ASIC2: variants seen among roughly 807,000 people sequenced by gnomAD.
ASIC2 encodes the protein acid-sensing ion channel 2.
ASIC2 carries 25 observed loss-of-function variants against 57.3 expected under a neutral mutation model. The observed-to-expected ratio is 0.44, with a 90% confidence interval of 0.32 to 0.61. The LOEUF (loss-of-function observed/expected upper bound fraction) is 0.61. Among genes scored for constraint, ASIC2 ranks in the 20% least tolerant of loss-of-function variants. The pLI, the probability that ASIC2 is intolerant of heterozygous loss-of-function variation, is 0.06. For synonymous variants in ASIC2, 319 were observed against 307.5 expected (o/e 1.04, Z -0.39); for missense variants, 641 against 738.1 (o/e 0.87, Z 1.52).
rs1300315336 is a variant in ASIC2, at chr17:33,638,160, T to C, written c.555+517818A>G. 3.3e-5 allele frequency among the ~76,000 whole-genome samples: 5 copies of C among 152,368 alleles called. No homozygotes were observed. In the East Asian group the frequency reaches 9.6e-4, roughly 29 times the overall value. Reference sequence around the variant, plus strand: ...GTAATTGGAGAAGTTACAAGTCTTGTGGCTTCCAGAACAGTCTGTCTATCA... The same window carrying C: ...GTAATTGGAGAAGTTACAAGTCTTGCGGCTTCCAGAACAGTCTGTCTATCA... On this transcript the variant is annotated intron_variant, in intron 1 of 9. Coordinates refer to the ASIC2 transcript ENST00000359872.
At chr17:33,613,532 T>C (rs1193083917) in intron 1 of ASIC2, among the ~76,000 whole-genome samples, 1 of 148,288 alleles carries the variant, frequency 6.7e-6, no homozygotes, top group East Asian at 1.9e-4. Context: ...GCCCAGCTAA[T>C]TTTTTGTGTT....
intron 1 of ASIC2, among the ~76,000 whole-genome samples, chr17:33,385,506 C>A (rs1239723679): frequency 6.6e-6 from 1 of 152,200 alleles, no homozygotes; most frequent in East Asian, 1.9e-4. Flanking sequence ...CTCTCACATG[C>A]CTTGCATTTT....
intron 1 of ASIC2, among the ~76,000 whole-genome samples, chr17:34,073,614 GA>G (rs1197038433): frequency 3.9e-5 from 6 of 152,312 alleles, no homozygotes; most frequent in African/African-American, 1.4e-4. Context: ...AATGTTCCCA[GA>G]ATGATTAGCA....
chr17:33,184,044 C>A (rs1275659562), intron 1 of ASIC2, among the ~76,000 whole-genome samples: 1 of 152,168 alleles, frequency 6.6e-6, no homozygotes, highest in East Asian at 1.9e-4. Flanking sequence ...TCTATTATAG[C>A]AACTGGTACA....
chr17:33,851,460 T>C (rs1436794273), intron 1 of ASIC2, among the ~76,000 whole-genome samples: 2 of 152,044 alleles, frequency 1.3e-5, no homozygotes, highest in African/African-American at 4.8e-5. Flanking sequence ...GAAAGGAAGT[T>C]CTCTTGTCAA....
Position 33,344,800 on chromosome 17 carries a change from G to A in ASIC2, c.556-232733C>T, listed in dbSNP as rs1030999496. Among the ~76,000 whole-genome samples, 4 of 152,080 alleles carry A rather than the reference G, an allele frequency of 2.6e-5. No individual in the cohort carries two copies. The South Asian group carries it at 8.3e-4, about 31-fold the overall frequency. On this transcript the variant is annotated intron_variant, in intron 1 of 9. Coordinates refer to the ASIC2 transcript ENST00000359872. ...CATCTGGGAGACAGGCCACTCTTTG[G>A]GGACAGAGACCATGTCTTAGCTCTG... is the stretch of plus-strand genomic sequence containing the variant.
At chr17:33,665,992 T>C (rs1301552425) in intron 1 of ASIC2, among the ~76,000 whole-genome samples, 2 of 152,166 alleles carry the variant, frequency 1.3e-5, no homozygotes, top group Non-Finnish European at 2.9e-5. Flanking sequence ...CAGTAACATA[T>C]ATTTACATAC....
At chr17:33,878,990 T>C (rs1914627397) in intron 1 of ASIC2, among the ~76,000 whole-genome samples, 1 of 152,168 alleles carries the variant, frequency 6.6e-6, no homozygotes, top group Non-Finnish European at 1.5e-5. Flanking sequence ...ACCCAGAATT[T>C]CATATCCAGC....
At chr17:34,007,746 G>T (rs372727043) in intron 1 of ASIC2, among the ~76,000 whole-genome samples, 11 of 152,320 alleles carry the variant, frequency 7.2e-5, no homozygotes, top group South Asian at 6.2e-4. Flanking sequence ...GCATGTCCAA[G>T]AGCTGGCATC....
At chr17:33,567,265 A>G (rs1353718184) in intron 1 of ASIC2, among the ~76,000 whole-genome samples, 1 of 152,134 alleles carries the variant, frequency 6.6e-6, no homozygotes, top group Non-Finnish European at 1.5e-5. Flanking sequence ...TTTCTAGCAG[A>G]GGGAACAGAA....
Position 33,810,367 on chromosome 17 carries a change from C to T in ASIC2, c.555+345611G>A, listed in dbSNP as rs547982525. 3.9e-5 allele frequency among the ~76,000 whole-genome samples: 6 copies of T among 152,314 alleles called. No homozygotes were observed. In the South Asian group the frequency reaches 1.2e-3, roughly 32 times the overall value. On this transcript the variant is annotated intron_variant, in intron 1 of 9. Coordinates refer to the ASIC2 transcript ENST00000359872. Reference sequence around the variant, plus strand: ...AATCATTTGGGGATCTTTTAAAACTCTGATGCTCAGGTCATACCCAACACT... The same window carrying T: ...AATCATTTGGGGATCTTTTAAAACTTTGATGCTCAGGTCATACCCAACACT...
intron 1 of ASIC2, among the ~76,000 whole-genome samples, chr17:33,394,290 A>G (rs1909998993): frequency 6.6e-6 from 1 of 152,150 alleles, no homozygotes; most frequent in Non-Finnish European, 1.5e-5. Context: ...GAATGGTGCC[A>G]CAGAAAACAG....
intron 1 of ASIC2, among the ~76,000 whole-genome samples, chr17:33,856,421 T>TAATG (rs1281271516): frequency 1.6e-3 from 205 of 129,248 alleles, no homozygotes; most frequent in African/African-American, 5.7e-3. Context: ...GTAGTAACAG[T>TAATG]AGTACTAGTA....
intron 2 of ASIC2, among the ~76,000 whole-genome samples, chr17:33,095,199 G>A (rs560448099): frequency 6.6e-6 from 1 of 152,140 alleles, no homozygotes. Context: ...GATCCAAGGG[G>A]ATCAGTTGCT....
At chr17:33,767,067 T>C (rs1048781296) in intron 1 of ASIC2, among the ~76,000 whole-genome samples, 3 of 152,244 alleles carry the variant, frequency 2.0e-5, no homozygotes, top group African/African-American at 7.2e-5. Flanking sequence ...TAAAGCATCT[T>C]GGTAGCAGAT....
chr17:33,017,793 A>C, intron 7 of ASIC2, 109 bp from the exon 8 acceptor site: 3 of 986,084 alleles, frequency 3.0e-6, no homozygotes, highest in Non-Finnish European at 4.6e-6. Flanking sequence ...CTCCATGGGG[A>C]GCCTGGGCCT....
At chr17:33,860,819 G>T (rs1276658568) in intron 1 of ASIC2, among the ~76,000 whole-genome samples, 1 of 152,194 alleles carries the variant, frequency 6.6e-6, no homozygotes, top group Non-Finnish European at 1.5e-5. Context: ...GACACCAGTT[G>T]ACCATTCATT....
chr17:33,333,767 G>T (rs1459636460), intron 1 of ASIC2, among the ~76,000 whole-genome samples: 1 of 152,180 alleles, frequency 6.6e-6, no homozygotes, highest in Non-Finnish European at 1.5e-5. Context: ...GTGCCTATAG[G>T]CTCCAAGGGG....
intron 1 of ASIC2, among the ~76,000 whole-genome samples, chr17:33,683,961 G>A (rs1246081552): frequency 6.6e-6 from 1 of 152,188 alleles, no homozygotes; most frequent in Non-Finnish European, 1.5e-5. Context: ...ACACTCCAAC[G>A]TACGAATTTA....
Sources: gnomAD v4.1 joint callset for allele counts (sites outside exome capture counted in the v4.1 genomes callset) on GRCh38, gnomAD v4.1.1 for gene constraint, MANE v1.5 for transcripts, NCBI Gene and HGNC (gene_info 2026-07-23, HGNC 2026-07-21) for gene names.